Variants in MYO1H observed in about 807,000 individuals in gnomAD.
The protein encoded by MYO1H is unconventional myosin-Ih.
In MYO1H, 118 loss-of-function variants were observed where a neutral mutation model predicts 149.3. That is an observed-to-expected ratio of 0.79 (90% CI 0.68 to 0.92). MYO1H has a LOEUF of 0.92. MYO1H is among the 40% of genes least tolerant of loss of function. The probability of loss-of-function intolerance (pLI) is 0.00; values close to 1 mark genes in which losing one functional copy is unlikely to be tolerated. For synonymous variants in MYO1H, 447 were observed against 465.2 expected, an observed-to-expected ratio of 0.96 and a Z score of 0.50; for missense variants, 1,212 against 1,280.7, an observed-to-expected ratio of 0.95 and a Z score of 0.82.
At chr12:109,442,334 C>A in intron 27 of MYO1H, 62 bp downstream of exon 27, 1 of 1,469,920 alleles carries the variant, frequency 6.8e-7, no homozygotes, top group South Asian at 1.1e-5. Context: ...AGAGCAGGGT[C>A]CCCTTTCTCC....
chr12:109,404,585 T>G (rs971335132), intron 7 of MYO1H, among the ~76,000 whole-genome samples: 2 of 152,202 alleles, frequency 1.3e-5, no homozygotes, highest in Non-Finnish European at 2.9e-5. Flanking sequence ...AATTATTGCA[T>G]GTGGGCAAAC....
chr12:109,333,506 C>T, the MYO1H span, among the ~76,000 whole-genome samples: 1 of 152,066 alleles, frequency 6.6e-6, no homozygotes, highest in Admixed American at 6.6e-5. Flanking sequence ...CCATCTTTGC[C>T]TTTTCAGTCT....
At chr12:109,440,370 G>A (rs887677572) in intron 24 of MYO1H, among the ~76,000 whole-genome samples, 1 of 152,110 alleles carries the variant, frequency 6.6e-6, no homozygotes, top group East Asian at 1.9e-4. Context: ...TATTCCTGAC[G>A]TAGCCTTCCT....
chr12:109,387,475 A>G (rs1405133386), intron 1 of MYO1H, among the ~76,000 whole-genome samples: 1 of 152,204 alleles, frequency 6.6e-6, no homozygotes, highest in East Asian at 1.9e-4. Context: ...TTCACCCTTC[A>G]TTACCTGCTG....
intron 1 of MYO1H, among the ~76,000 whole-genome samples, chr12:109,352,943 C>CAG (rs5800853): frequency 0.47 from 70,566 of 151,604 alleles, 17,145 homozygotes; most frequent in African/African-American, 0.59. Flanking sequence ...TATTGAGACA[C>CAG]AGCCCCACTA....
chr12:109,317,329 T>G, the MYO1H span, among the ~76,000 whole-genome samples: 1 of 152,316 alleles, frequency 6.6e-6, no homozygotes, highest in East Asian at 1.9e-4. Flanking sequence ...TTTAAATAAT[T>G]TAATTTTTTA....
At chr12:109,434,504 C>CA (rs1566041383) in intron 20 of MYO1H, among the ~76,000 whole-genome samples, 1 of 152,118 alleles carries the variant, frequency 6.6e-6, no homozygotes, top group Non-Finnish European at 1.5e-5. Flanking sequence ...AAAACAAAAA[C>CA]AAAAAACAAA....
chr12:109,442,078 T>A (rs1187660294), intron 26 of MYO1H, 139 bp from the exon 27 acceptor site: 1 of 714,008 alleles, frequency 1.4e-6, no homozygotes, highest in Non-Finnish European at 2.4e-6. Flanking sequence ...GATGCTCAAC[T>A]CTGCAGCATT....
intron 20 of MYO1H, among the ~76,000 whole-genome samples, chr12:109,433,836 C>T (rs1228915263): frequency 1.3e-5 from 2 of 152,132 alleles, no homozygotes; most frequent in East Asian, 3.9e-4. Context: ...GAGGTGGGAT[C>T]CGTCTGTCCC....
chr12:109,352,821 G>A (rs1320923651), intron 1 of MYO1H, among the ~76,000 whole-genome samples: 1 of 152,136 alleles, frequency 6.6e-6, no homozygotes, highest in South Asian at 2.1e-4. Flanking sequence ...ATTAGCTCGT[G>A]TTCAGTGTTT....
chr12:109,318,913 A>G, the MYO1H span, among the ~76,000 whole-genome samples: 1 of 124,496 alleles, frequency 8.0e-6, no homozygotes, highest in Admixed American at 8.6e-5. Context: ...GATGGGCGGG[A>G]GTGAGGGGAG....
chr12:109,416,378 G>GTTTTTTTT (rs771334177), intron 15 of MYO1H, among the ~76,000 whole-genome samples: 11 of 135,404 alleles, frequency 8.1e-5, no homozygotes, highest in African/African-American at 2.8e-4. Context: ...TGTTGTTGTT[G>GTTTTTTTT]GTTTTTTTTT....
chr12:109,406,913 C>T lies in MYO1H; in HGVS notation c.1035+53C>T, dbSNP rs997921225. ...CCAGCCCTCCCTGCTGCTGCTGCCTCCCTCGATAACAGCAGGGTGGTGGCC... is the reference window on the plus strand; with the variant it reads ...CCAGCCCTCCCTGCTGCTGCTGCCTTCCTCGATAACAGCAGGGTGGTGGCC... On this transcript the variant is annotated intron_variant, in intron 9 of 31. Transcript: ENST00000310903. The T allele has an allele frequency of 4.2e-5, 63 of 1,512,122 alleles. No homozygotes were observed. In the East Asian group the frequency reaches 1.3e-3, roughly 31 times the overall value. The allele number at this position is 1,512,122 out of a possible 1,614,324, so 93.7% of individuals were successfully genotyped here. A position where few individuals can be genotyped will look rare whatever the true frequency, so the allele number is the denominator to read the frequency against.
At chr12:109,432,857 G>A (rs546150207) in intron 19 of MYO1H, 40 bp from the exon 20 acceptor site, 1 of 1,563,618 alleles carries the variant, frequency 6.4e-7, no homozygotes, top group South Asian at 1.1e-5. Context: ...GCTAGAGGAA[G>A]GTACGGTCAC....
chr12:109,322,662 T>C, the MYO1H span, among the ~76,000 whole-genome samples: 496 of 151,270 alleles, frequency 3.3e-3, 2 homozygotes, highest in African/African-American at 0.011. Context: ...TCTACTAAAA[T>C]TACAAAAATT....
chr12:109,433,102 G>C, intron 20 of MYO1H, 92 bp downstream of exon 20: 1 of 978,662 alleles, frequency 1.0e-6, no homozygotes, highest in South Asian at 1.3e-5. Flanking sequence ...CTGGAGACTC[G>C]ATTCCTAGGG....
intron 18 of MYO1H, 122 bp downstream of exon 18, chr12:109,426,173 T>C (rs1871345807): frequency 1.4e-6 from 1 of 706,752 alleles, no homozygotes; most frequent in South Asian, 1.6e-5. Context: ...TGGATGTGAA[T>C]CATTTTCCTT....
At chr12:109,429,522 GTAATT>G (rs1871521434) in intron 19 of MYO1H, among the ~76,000 whole-genome samples, 1 of 152,150 alleles carries the variant, frequency 6.6e-6, no homozygotes, top group Non-Finnish European at 1.5e-5. Context: ...GGTATAATAA[GTAATT>G]TAGAGATGAT....
chr12:109,331,211 C>G, the MYO1H span, among the ~76,000 whole-genome samples: 4 of 152,170 alleles, frequency 2.6e-5, no homozygotes, highest in Non-Finnish European at 5.9e-5. Context: ...TTAGAAAATC[C>G]ATAGCAGAGT....
Sources: gnomAD v4.1 joint callset for allele counts (sites outside exome capture counted in the v4.1 genomes callset) on GRCh38, gnomAD v4.1.1 for gene constraint, MANE v1.5 for transcripts, NCBI Gene and HGNC (gene_info 2026-07-23, HGNC 2026-07-21) for gene names.